GRIA4: variants seen among roughly 807,000 people sequenced by gnomAD.
The protein encoded by GRIA4 is glutamate ionotropic receptor AMPA type subunit 4, also known as glutamate receptor 4.
A neutral mutation model predicts 104.0 loss-of-function variants in GRIA4; 34 were observed. That is an observed-to-expected ratio of 0.33 (90% CI 0.25 to 0.44). GRIA4 has a LOEUF of 0.44. Ranked by LOEUF, GRIA4 falls within the 20% of genes least tolerant of loss-of-function variation. GRIA4 has a pLI of 1.00. For synonymous variants in GRIA4, 386 were observed against 381.9 expected (o/e 1.01, Z -0.13); for missense variants, 750 against 1,096.5 (o/e 0.68, Z 4.46).
upstream of GRIA4, chr11:105,610,004 G>C (rs1325023350): frequency 6.5e-6 from 1 of 152,752 alleles, no homozygotes; most frequent in African/African-American, 2.4e-5. Flanking sequence ...AGGCTCTCCA[G>C]ATTCCCGGGC....
At chr11:105,829,627 A>G (rs1362522994) in intron 4 of GRIA4, among the ~76,000 whole-genome samples, 4 of 151,904 alleles carry the variant, frequency 2.6e-5, no homozygotes, top group African/African-American at 7.2e-5. Flanking sequence ...TGGCCTAGCT[A>G]TAAGAAGACA....
intron 3 of GRIA4, among the ~76,000 whole-genome samples, chr11:105,703,938 G>T (rs572969145): frequency 1.3e-5 from 2 of 152,126 alleles, no homozygotes; most frequent in East Asian, 3.9e-4. Flanking sequence ...AACTGCTTTT[G>T]CAAAAATGTA....
At chr11:105,753,413 C>G (rs1031685278) in intron 4 of GRIA4, among the ~76,000 whole-genome samples, 193 bp downstream of exon 4, 2 of 152,128 alleles carry the variant, frequency 1.3e-5, no homozygotes, top group Non-Finnish European at 2.9e-5. Flanking sequence ...CAAGGTTACT[C>G]CTGAGCAAAC....
At chr11:105,796,361 A>C (rs1187831059) in intron 4 of GRIA4, among the ~76,000 whole-genome samples, 1 of 152,128 alleles carries the variant, frequency 6.6e-6, no homozygotes, top group Non-Finnish European at 1.5e-5. Context: ...TACAACTTTG[A>C]TATTGATTAT....
Position 105,935,559 on chromosome 11 carries a change from G to A in GRIA4, c.2294+1590G>A, listed in dbSNP as rs1036791063. Among the ~76,000 whole-genome samples the A allele has an allele frequency of 3.9e-5, 6 of 152,250 alleles. No individual in the cohort carries two copies. The East Asian group carries it at 1.2e-3, about 29-fold the overall frequency. ...TCTGTTGAAGGCGTGGTTTTTGAGA[G>A]CACCTTAGCGTAAATAATTTTTTAA... On this transcript the variant is annotated intron_variant, in intron 14 of 16. Coordinates refer to ENST00000282499, the MANE Select transcript of GRIA4 (RefSeq NM_000829.4).
At chr11:105,646,838 C>T (rs190860962) in intron 3 of GRIA4, among the ~76,000 whole-genome samples, 100 of 152,116 alleles carry the variant, frequency 6.6e-4, no homozygotes, top group African/African-American at 2.3e-3. Flanking sequence ...CTATAAAAAC[C>T]CTGGAAGACA....
At chr11:105,688,144 C>A (rs1591563724) in intron 3 of GRIA4, among the ~76,000 whole-genome samples, 1 of 60,376 alleles carries the variant, frequency 1.7e-5, no homozygotes, top group Non-Finnish European at 3.7e-5. Flanking sequence ...ATATCTATAT[C>A]TATATCTATA....
intron 4 of GRIA4, among the ~76,000 whole-genome samples, chr11:105,819,645 G>A (rs560721713): frequency 1.3e-5 from 2 of 152,152 alleles, no homozygotes; most frequent in East Asian, 1.9e-4. Context: ...TGGGTAGGGG[G>A]TAAGGGTAGA....
At chr11:105,806,816 G>C (rs775074161) in intron 4 of GRIA4, among the ~76,000 whole-genome samples, 1 of 150,894 alleles carries the variant, frequency 6.6e-6, no homozygotes, top group African/African-American at 2.4e-5. Flanking sequence ...ACAAGAACAG[G>C]AGACCATAAA....
intron 4 of GRIA4, among the ~76,000 whole-genome samples, chr11:105,796,866 A>C (rs1942498206): frequency 6.6e-6 from 1 of 152,094 alleles, no homozygotes; most frequent in Admixed American, 6.6e-5. Context: ...GTATTTTGGT[A>C]ATGAGAAGAA....
chr11:105,806,775 G>A (rs1002216385), intron 4 of GRIA4, among the ~76,000 whole-genome samples: 6 of 151,318 alleles, frequency 4.0e-5, no homozygotes, highest in Non-Finnish European at 4.4e-5. Context: ...ACACTTTAAC[G>A]AGATAAGAGA....
intron 4 of GRIA4, among the ~76,000 whole-genome samples, chr11:105,827,103 G>T (rs1017516780): frequency 1.3e-5 from 2 of 151,946 alleles, no homozygotes; most frequent in Non-Finnish European, 2.9e-5. Context: ...AAATTGTCAA[G>T]AACTGTGATG....
intron 3 of GRIA4, among the ~76,000 whole-genome samples, chr11:105,640,401 A>T (rs1951325530): frequency 6.6e-6 from 1 of 151,936 alleles, no homozygotes; most frequent in African/African-American, 2.4e-5. Context: ...GTTATAACAA[A>T]CAAAACAATT....
At chr11:105,725,638 C>T (rs368530853) in intron 3 of GRIA4, among the ~76,000 whole-genome samples, 4 of 152,152 alleles carry the variant, frequency 2.6e-5, no homozygotes, top group African/African-American at 9.7e-5. Flanking sequence ...TGGTCTGCAG[C>T]TCCCAGTGAG....
At chr11:105,939,099 A>G (rs773101437) in intron 14 of GRIA4, among the ~76,000 whole-genome samples, 1 of 152,224 alleles carries the variant, frequency 6.6e-6, no homozygotes, top group Non-Finnish European at 1.5e-5. Flanking sequence ...GATTCTTCCC[A>G]TTAGTTAAAA....
intron 6 of GRIA4, among the ~76,000 whole-genome samples, chr11:105,891,472 A>T (rs1946452497): frequency 6.6e-6 from 1 of 152,064 alleles, no homozygotes; most frequent in Non-Finnish European, 1.5e-5. Context: ...GCCCTTTAAG[A>T]TTTTATCCCT....
intron 4 of GRIA4, among the ~76,000 whole-genome samples, chr11:105,798,778 C>G (rs1942598285): frequency 1.3e-5 from 2 of 152,148 alleles, no homozygotes; most frequent in Non-Finnish European, 2.9e-5. Flanking sequence ...CTTTTTGACT[C>G]TAGCAACCAG....
intron 4 of GRIA4, among the ~76,000 whole-genome samples, chr11:105,851,007 A>G (rs557393388): frequency 1.3e-5 from 2 of 152,316 alleles, no homozygotes; most frequent in Admixed American, 6.5e-5. Flanking sequence ...ATTAATAGCT[A>G]CATGCTCTTG....
chr11:105,637,968 C>G (rs530812415), intron 3 of GRIA4, among the ~76,000 whole-genome samples: 51 of 152,024 alleles, frequency 3.4e-4, no homozygotes, highest in Non-Finnish European at 5.1e-4. Flanking sequence ...TTTAAATTGA[C>G]AAATAATTGT....
Sources: gnomAD v4.1 joint callset for allele counts (sites outside exome capture counted in the v4.1 genomes callset) on GRCh38, gnomAD v4.1.1 for gene constraint, MANE v1.5 for transcripts, NCBI Gene and HGNC (gene_info 2026-07-23, HGNC 2026-07-21) for gene names.